The following TDRD7 variants were observed in gnomAD, a reference collection of about 807,000 sequenced individuals.
The protein encoded by TDRD7 is tudor domain containing 7.
In TDRD7, 47 loss-of-function variants were observed where a neutral mutation model predicts 109.8. That is an observed-to-expected ratio of 0.43 (90% CI 0.34 to 0.55). The LOEUF (loss-of-function observed/expected upper bound fraction) is 0.55. Among genes scored for constraint, TDRD7 ranks in the 20% least tolerant of loss-of-function variants. The pLI is 0.03. For synonymous variants in TDRD7, 424 were observed against 457.3 expected, an observed-to-expected ratio of 0.93 and a Z score of 0.93; for missense variants, 1,164 against 1,319.2, an observed-to-expected ratio of 0.88 and a Z score of 1.82.
intron 15 of TDRD7, among the ~76,000 whole-genome samples, chr9:97,483,729 AC>A: frequency 6.6e-6 from 1 of 152,000 alleles, no homozygotes; most frequent in East Asian, 1.9e-4. Context: ...AAAATCAACC[AC>A]CCACACATAA....
chr9:97,461,119 C>T (rs1424159476), intron 7 of TDRD7, among the ~76,000 whole-genome samples: 5 of 144,992 alleles, frequency 3.4e-5, no homozygotes, highest in Admixed American at 7.0e-5. Flanking sequence ...CCAGCCTGGG[C>T]GAAAGAGCAA....
At chr9:97,443,564 A>G (rs992156921) in intron 6 of TDRD7, among the ~76,000 whole-genome samples, 1 of 152,088 alleles carries the variant, frequency 6.6e-6, no homozygotes, top group Non-Finnish European at 1.5e-5. Context: ...TCTGGGAAGA[A>G]TTTTCCTCAC....
intron 10 of TDRD7, among the ~76,000 whole-genome samples, chr9:97,473,185 A>G (rs1393918949): frequency 1.3e-5 from 2 of 152,178 alleles, no homozygotes; most frequent in African/African-American, 2.4e-5. Context: ...TTCTAAATAA[A>G]TGGGGAGAAA....
chr9:97,463,963 G>A (rs1828776439), intron 7 of TDRD7, among the ~76,000 whole-genome samples: 1 of 152,116 alleles, frequency 6.6e-6, no homozygotes, highest in African/African-American at 2.4e-5. Context: ...TTTGGAGGGG[G>A]GGTGTCAACG....
intron 12 of TDRD7, among the ~76,000 whole-genome samples, chr9:97,478,077 G>T (rs969744841): frequency 1.3e-5 from 2 of 151,994 alleles, no homozygotes; most frequent in Non-Finnish European, 2.9e-5. Context: ...GGCCAACATG[G>T]TGAAACCCCA....
chr9:97,428,418 G>C lies in TDRD7; in HGVS notation c.-6-42G>C, dbSNP rs190217431. The C allele has an allele frequency of 2.5e-6, 4 of 1,578,928 alleles. No individual in the cohort carries two copies. In the Admixed American group the frequency reaches 6.7e-5, roughly 26 times the overall value. On this transcript the variant is annotated intron_variant, in intron 1 of 16. Coordinates refer to ENST00000355295, the MANE Select transcript of TDRD7 (RefSeq NM_014290.3). ...TGAAAATCTATTTGAATTCACAAAC[G>C]AATGAGCCATATTATAGTAACCTTC...
intron 16 of TDRD7, among the ~76,000 whole-genome samples, chr9:97,489,893 A>C (rs1186836635): frequency 1.3e-5 from 2 of 152,126 alleles, no homozygotes; most frequent in African/African-American, 2.4e-5. Flanking sequence ...GTCTACTTTC[A>C]TGTGACATTG....
rs139269170 is a variant in TDRD7 at position 97,456,864 on chromosome 9, C to T, written c.856-3314C>T. 5.3e-3 allele frequency among the ~76,000 whole-genome samples: 814 copies of T among 152,268 alleles called. 3 individuals carry two copies. Among genetic ancestry groups the T allele is most frequent in the Middle Eastern group, 0.02 (6 of 294 alleles). ...GCTTCTGCACAGCAAAAGAAGCTAT[C>T]ATCAGAGTGAACAGGCACCCTACAG... On this transcript the variant is annotated intron_variant, in intron 6 of 16. Coordinates refer to ENST00000355295, the MANE Select transcript of TDRD7 (RefSeq NM_014290.3).
At chr9:97,430,107 A>G (rs1031055052) in intron 2 of TDRD7, among the ~76,000 whole-genome samples, 14 of 152,178 alleles carry the variant, frequency 9.2e-5, no homozygotes, top group Non-Finnish European at 2.1e-4. Flanking sequence ...TTTGATTTCA[A>G]ATTAGAGTCA....
rs778105947 is a variant in TDRD7, at chr9:97,460,361, G to A, written c.1039G>A (p.Asp347Asn). ...MAGDFKEKVA[D>N]LLVKYTSGLW... ...AGGAGACTTTAAAGAAAAAGTGGCA[G>A]ACCTGCTGGTGAAATACACAAGTGG... Residue 347 changes from aspartate to asparagine, a missense_variant, in exon 7 of 17, where the codon GAC becomes AAC. This residue lies in a region of TDRD7 where 407 missense variants were observed against 394.0 expected (regional missense o/e 1.03). Transcript: ENST00000355295. 3.7e-6 allele frequency: 6 copies of A among 1,614,178 alleles called. No individual in the cohort carries two copies. The South Asian group carries it at 5.5e-5, about 15-fold the overall frequency.
At chr9:97,420,453 A>G (rs1827881431) in intron 1 of TDRD7, among the ~76,000 whole-genome samples, 1 of 151,788 alleles carries the variant, frequency 6.6e-6, no homozygotes, top group Non-Finnish European at 1.5e-5. Context: ...ACCTCCCCTT[A>G]CCCCCAGCCC....
intron 7 of TDRD7, among the ~76,000 whole-genome samples, chr9:97,461,816 G>T (rs1297252419): frequency 6.6e-6 from 1 of 152,176 alleles, no homozygotes; most frequent in Admixed American, 6.5e-5. Context: ...TTTGGTTTGG[G>T]CTGTCCCTCC....
At position 97,460,158 on chromosome 9, in the gene TDRD7, GC is replaced by G; in HGVS notation, c.856-19del. 1 of 1,605,898 alleles carries G rather than the reference GC, an allele frequency of 6.2e-7. No individual in the cohort carries two copies. Reference sequence around the variant, plus strand: ...ATAGTCACTGAAATATCTGTCATTTGCTTTATTTAAAAATTTCAGGTGGAGA... The same window carrying G: ...ATAGTCACTGAAATATCTGTCATTTGTTTATTTAAAAATTTCAGGTGGAGA... On this transcript the variant is annotated intron_variant, in intron 6 of 16. Transcript: ENST00000355295.
intron 6 of TDRD7, among the ~76,000 whole-genome samples, chr9:97,446,378 C>A (rs994898793): frequency 6.6e-6 from 1 of 152,118 alleles, no homozygotes; most frequent in Admixed American, 6.6e-5. Flanking sequence ...AGCTGGGAAA[C>A]ATTCTATGTT....
At chr9:97,493,868 G>A (rs576980301) in intron 16 of TDRD7, among the ~76,000 whole-genome samples, 71 of 152,300 alleles carry the variant, frequency 4.7e-4, no homozygotes, top group African/African-American at 1.5e-3. Flanking sequence ...TGTTCCGCCC[G>A]GCTTACTGGC....
intron 15 of TDRD7, among the ~76,000 whole-genome samples, chr9:97,485,951 C>T (rs548160236): frequency 6.6e-6 from 1 of 152,288 alleles, no homozygotes; most frequent in African/African-American, 2.4e-5. Flanking sequence ...TTCTGGAGTT[C>T]CCTCAGAAGC....
intron 6 of TDRD7, among the ~76,000 whole-genome samples, chr9:97,454,911 G>T (rs1434148064): frequency 6.6e-6 from 1 of 152,022 alleles, no homozygotes; most frequent in Non-Finnish European, 1.5e-5. Context: ...TCTTTTTGAA[G>T]ATTAACGAAA....
intron 1 of TDRD7, among the ~76,000 whole-genome samples, chr9:97,415,737 G>C (rs773682039): frequency 1.3e-5 from 2 of 152,192 alleles, no homozygotes; most frequent in Non-Finnish European, 2.9e-5. Context: ...AGGTTGCAGT[G>C]AGCCAAGATT....
At chr9:97,443,536 T>C (rs1828349029) in intron 6 of TDRD7, among the ~76,000 whole-genome samples, 1 of 152,224 alleles carries the variant, frequency 6.6e-6, no homozygotes, top group African/African-American at 2.4e-5. Flanking sequence ...AGTTCAGTTT[T>C]TTCCATTTAT....
Sources: gnomAD v4.1 joint callset for allele counts (sites outside exome capture counted in the v4.1 genomes callset) on GRCh38, gnomAD v4.1.1 for gene constraint, gnomAD v4.1.1 regional missense constraint, MANE v1.5 for transcripts, NCBI Gene and HGNC (gene_info 2026-07-23, HGNC 2026-07-21) for gene names.